Variants in WWOX observed in about 807,000 individuals in gnomAD.
The protein encoded by WWOX is WW domain containing oxidoreductase, also known as WW domain-containing oxidoreductase.
A neutral mutation model predicts 46.2 loss-of-function variants in WWOX; 69 were observed. That is an observed-to-expected ratio of 1.49 (90% confidence interval 1.23 to 1.82). The LOEUF is 1.82. Among genes scored for constraint, WWOX ranks in the 40% most tolerant of loss-of-function variants. The pLI is 0.00. For missense variants in WWOX, 919 were observed against 542.6 expected, an observed-to-expected ratio of 1.69 and a Z score of -6.89; for synonymous variants, 359 against 202.6, an observed-to-expected ratio of 1.77 and a Z score of -6.56.
chr16:79,160,766 G>T (rs528365215), intron 8 of WWOX, among the ~76,000 whole-genome samples: 2 of 152,268 alleles, frequency 1.3e-5, no homozygotes, highest in East Asian at 3.9e-4. Flanking sequence ...AGAAAAAAAT[G>T]TGATTTGTGC....
At chr16:78,420,193 GGAAAA>G (rs2082889579) in intron 6 of WWOX, among the ~76,000 whole-genome samples, 2 of 152,048 alleles carry the variant, frequency 1.3e-5, no homozygotes, top group African/African-American at 4.8e-5. Context: ...TGGCCAAACT[GGAAAA>G]CAGTTTGGCC....
chr16:78,800,247 CAAA>C (rs35201990), intron 8 of WWOX, among the ~76,000 whole-genome samples: 1 of 146,476 alleles, frequency 6.8e-6, no homozygotes, highest in South Asian at 2.2e-4. Context: ...TGTTCCATGG[CAAA>C]AAAAAAAAGT....
At chr16:78,370,941 G>A (rs1018702988) in intron 5 of WWOX, among the ~76,000 whole-genome samples, 1 of 146,028 alleles carries the variant, frequency 6.8e-6, no homozygotes, top group Non-Finnish European at 1.5e-5. Context: ...CATAGAGAAC[G>A]TTTAGAGGTC....
chr16:79,027,259 G>A, intron 8 of WWOX, among the ~76,000 whole-genome samples: 1 of 129,168 alleles, frequency 7.7e-6, no homozygotes, highest in Non-Finnish European at 1.6e-5. Context: ...CAGCCTGGGT[G>A]ACAGAGAAAG....
intron 8 of WWOX, among the ~76,000 whole-genome samples, chr16:78,484,495 G>T (rs2084580681): frequency 6.6e-6 from 1 of 152,176 alleles, no homozygotes; most frequent in Non-Finnish European, 1.5e-5. Context: ...AATCATTACA[G>T]TAAGACTTAT....
At chr16:78,470,548 G>C (rs1051950930) in intron 8 of WWOX, among the ~76,000 whole-genome samples, 17 of 152,024 alleles carry the variant, frequency 1.1e-4, no homozygotes, top group African/African-American at 4.1e-4. Flanking sequence ...ATGTATGTTT[G>C]AGACAGAATC....
At chr16:78,605,522 C>T (rs192367780) in intron 8 of WWOX, among the ~76,000 whole-genome samples, 6 of 151,914 alleles carry the variant, frequency 3.9e-5, no homozygotes, top group Non-Finnish European at 7.4e-5. Flanking sequence ...TTTTCTGTTA[C>T]CATTGTGCTA....
intron 8 of WWOX, among the ~76,000 whole-genome samples, chr16:78,880,486 A>G (rs561831774): frequency 1.9e-4 from 29 of 152,348 alleles, no homozygotes; most frequent in African/African-American, 7.0e-4. Flanking sequence ...AGTCTACAAA[A>G]CAAGAAATAA....
chr16:78,905,481 A>C (rs1336601433), intron 8 of WWOX, among the ~76,000 whole-genome samples: 1 of 152,182 alleles, frequency 6.6e-6, no homozygotes, highest in Non-Finnish European at 1.5e-5. Context: ...TCCTGGGTGC[A>C]AGTAATCCTC....
rs374381270 is a variant in WWOX at position 78,768,667 on chromosome 16, A to T, written c.1056+335915A>T. Among the ~76,000 whole-genome samples the T allele has an allele frequency of 1.5e-4, 23 of 152,042 alleles. 1 individual carries two copies. Among genetic ancestry groups the T allele is most frequent in the East Asian group, 1.4e-3 (7 of 5,180 alleles). On this transcript the variant is annotated intron_variant, in intron 8 of 8. Coordinates refer to ENST00000566780, the MANE Select transcript of WWOX (RefSeq NM_016373.4). The stretch of plus-strand genomic sequence containing the variant: ...CCTTTATAATTTTCAGAGGTTGTGA[A>T]ATTAACTCTGTAGATTGGGGAGTGT...
At chr16:78,835,068 T>C (rs1057173430) in intron 8 of WWOX, among the ~76,000 whole-genome samples, 1 of 152,174 alleles carries the variant, frequency 6.6e-6, no homozygotes, top group Non-Finnish European at 1.5e-5. Context: ...GTGCCCATTT[T>C]ACAGAGGTGG....
chr16:78,221,204 C>A (rs949109324), intron 5 of WWOX, among the ~76,000 whole-genome samples: 1 of 152,052 alleles, frequency 6.6e-6, no homozygotes. Flanking sequence ...TATTAATTCA[C>A]CTGCTTGGAA....
At chr16:78,541,264 G>A (rs1024802810) in intron 8 of WWOX, among the ~76,000 whole-genome samples, 168 of 151,600 alleles carry the variant, frequency 1.1e-3, no homozygotes, top group African/African-American at 3.9e-3. Flanking sequence ...CACGAGGTCA[G>A]GAGATCGAGA....
At chr16:79,192,801 G>C (rs1181632201) in intron 8 of WWOX, among the ~76,000 whole-genome samples, 1 of 152,160 alleles carries the variant, frequency 6.6e-6, no homozygotes, top group Non-Finnish European at 1.5e-5. Context: ...TTTCACATTT[G>C]AATCGCAACT....
rs2044916082 is a variant in WWOX at position 78,904,697 on chromosome 16, G to T, written c.1057-306911G>T. On this transcript the variant is annotated intron_variant, in intron 8 of 8. Coordinates refer to ENST00000566780, the MANE Select transcript of WWOX (RefSeq NM_016373.4). The stretch of plus-strand genomic sequence containing the variant: ...GAGAGGTTGGGGAGCAGGTAATTAT[G>T]CTGGGACAATAGGCGTATGTCAAGA... Among the ~76,000 whole-genome samples the T allele has an allele frequency of 2.0e-5, 3 of 152,134 alleles. No homozygotes were observed. In the South Asian group the frequency reaches 6.2e-4, roughly 32 times the overall value.
chr16:78,532,866 G>C (rs1241179276), intron 8 of WWOX, among the ~76,000 whole-genome samples: 1 of 152,138 alleles, frequency 6.6e-6, no homozygotes, highest in Non-Finnish European at 1.5e-5. Context: ...GAAGAGATTT[G>C]GGTGGGTACA....
intron 8 of WWOX, among the ~76,000 whole-genome samples, chr16:79,099,593 T>TGA (rs10598848): frequency 0.042 from 6,221 of 148,820 alleles, 281 homozygotes; most frequent in East Asian, 0.13. Flanking sequence ...TGTGTGTTTG[T>TGA]GAGAGAGAGA....
At chr16:78,694,698 T>C (rs2048063014) in intron 8 of WWOX, among the ~76,000 whole-genome samples, 1 of 152,234 alleles carries the variant, frequency 6.6e-6, no homozygotes, top group African/African-American at 2.4e-5. Flanking sequence ...CAGAAGCATA[T>C]GGCAGAATTC....
chr16:78,114,214 C>T (rs552031793), intron 3 of WWOX, among the ~76,000 whole-genome samples: 1 of 151,812 alleles, frequency 6.6e-6, no homozygotes, highest in East Asian at 2.0e-4. Context: ...CATCCTCCTA[C>T]CTCAGCCTCC....
Sources: gnomAD v4.1 joint callset for allele counts (sites outside exome capture counted in the v4.1 genomes callset) on GRCh38, gnomAD v4.1.1 for gene constraint, MANE v1.5 for transcripts, NCBI Gene and HGNC (gene_info 2026-07-23, HGNC 2026-07-21) for gene names.